AHNAK2: variants seen among roughly 807,000 people sequenced by gnomAD.
AHNAK2 encodes protein AHNAK2.
Under a neutral mutation model 30.7 loss-of-function variants are expected in AHNAK2, and 18 were observed. The ratio of observed to expected loss-of-function variants is 0.59; its 90% CI spans 0.41 to 0.87. The LOEUF (loss-of-function observed/expected upper bound fraction) is 0.87, where lower values mean the gene tolerates loss of function less well. Among genes scored for constraint, AHNAK2 ranks in the 40% least tolerant of loss-of-function variants. The pLI, the probability that AHNAK2 is intolerant of heterozygous loss-of-function variation, is 0.00. For synonymous variants in AHNAK2, 3,590 were observed against 3,073.8 expected, an observed-to-expected ratio of 1.17 and a Z score of -5.56; for missense variants, 8,604 against 7,373.0, an observed-to-expected ratio of 1.17 and a Z score of -6.11.
chr14:104,939,843 G>C lies in AHNAK2; in HGVS notation c.15608C>G (p.Ser5203Cys). The change falls in exon 7 of 7, where the codon TCT (serine) becomes TGT (cysteine). Residue 5203 changes from serine (S) to cysteine (C), a missense_variant. Ser to Cys is a moderately radical substitution (Grantham distance 112). Coordinates refer to ENST00000333244, the MANE Select transcript of AHNAK2 (RefSeq NM_138420.4). Reference sequence around the variant, plus strand: ...TCCAGCCCCGCCTCTGTCCCTGAAAGAGCGCCTAAGGCTGGGCATGCGGAA... The same window carrying C: ...TCCAGCCCCGCCTCTGTCCCTGAAACAGCGCCTAAGGCTGGGCATGCGGAA... Reference protein sequence around the residue: ...PKFRMPSLRRSFRDRGGAGKL... With the variant: ...PKFRMPSLRRCFRDRGGAGKL... 6.2e-7 allele frequency: 1 copy of C among 1,613,874 alleles called. No homozygotes were observed. Among genetic ancestry groups the C allele is most frequent in the East Asian group, 2.2e-5 (1 of 44,896 alleles).
chr14:104,948,534 A>G lies in AHNAK2; in HGVS notation c.6917T>C (p.Leu2306Pro), dbSNP rs547343473. Reference sequence around the variant, plus strand: ...TTTGGCAGTCACGTCCTTGTCGGCCAGGGACATGTCCCCCTCCAGCCGCGC... The same window carrying G: ...TTTGGCAGTCACGTCCTTGTCGGCCGGGGACATGTCCCCCTCCAGCCGCGC... ...DGARLEGDMS[L>P]ADKDVTAKDS... The change falls in exon 7 of 7, where the codon CTG (leucine) becomes CCG (proline). Residue 2306 changes from leucine to proline, a missense_variant. Physicochemically the swap from Leu to Pro is moderately conservative, Grantham distance 98. Coordinates refer to ENST00000333244, the MANE Select transcript of AHNAK2 (RefSeq NM_138420.4). The G allele has an allele frequency of 6.2e-7, 1 of 1,612,088 alleles. No homozygotes were observed. Among genetic ancestry groups the G allele is most frequent in the African/African-American group, 1.4e-5 (1 of 73,884 alleles).
In AHNAK2 at chr14:104,942,161, C is replaced by G; in HGVS notation, c.13290G>C (p.Glu4430Asp). The G allele has an allele frequency of 6.2e-7, 1 of 1,613,350 alleles. No individual in the cohort carries two copies. Among genetic ancestry groups the G allele is most frequent in the Non-Finnish European group, 8.5e-7 (1 of 1,179,778 alleles). ...PNLDVSLPSM[E>D]VDIQAPGAKL... ...TGGCTCCTGGGGCTTGGATGTCCAC[C>G]TCCATGCTGGGCAGAGACACGTCCA... Residue 4430 changes from glutamate to aspartate, a missense_variant, in exon 7 of 7, where the codon GAG becomes GAC. Physicochemically the swap from Glu to Asp is conservative, Grantham distance 45. Coordinates refer to ENST00000333244, the MANE Select transcript of AHNAK2 (RefSeq NM_138420.4).
chr14:104,954,529 G>A lies in AHNAK2; in HGVS notation c.922C>T (p.Arg308Cys), dbSNP rs779111209. ...TDTEAQLTVERQEQKAGPGSQ... is the reference protein window; with the variant it reads ...TDTEAQLTVECQEQKAGPGSQ... ...CCCGGCCCTGCCTTCTGCTCTTGGC[G>A]CTCCACCGTGAGCTGGGCCTCTGTG... Residue 308 changes from arginine to cysteine, a missense_variant, in exon 7 of 7, where the codon CGC (arginine) becomes TGC (cysteine). Physicochemically the swap from Arg to Cys is radical, Grantham distance 180 (BLOSUM62 -3). Transcript: ENST00000333244. The surrounding 1 kb of genome is among the most constrained non-coding windows in gnomAD (Gnocchi z 4.3). The A allele has an allele frequency of 1.6e-5, 25 of 1,610,324 alleles. No individual in the cohort carries two copies. Among genetic ancestry groups the A allele is most frequent in the South Asian group, 3.3e-5 (3 of 90,704 alleles).
In AHNAK2 at chr14:104,941,511, A is replaced by C. The variant is rs202055538; in HGVS notation, c.13940T>G (p.Met4647Arg). ...GFEWSSKKVS[M>R]SSSEIEGNVT... Reference sequence around the variant, plus strand: ...ATTTCCTTCGATTTCAGAGGAAGACATGGAAACTTTCTTTGACGACCATTC... The same window carrying C: ...ATTTCCTTCGATTTCAGAGGAAGACCTGGAAACTTTCTTTGACGACCATTC... Residue 4647 changes from methionine to arginine, a missense_variant, in exon 7 of 7, where the codon ATG becomes AGG. Physicochemically the swap from Met to Arg is moderately conservative, Grantham distance 91. Transcript: ENST00000333244. The C allele has an allele frequency of 1.1e-4, 184 of 1,613,060 alleles. 1 individual carries two copies. The Middle Eastern group carries it at 3.6e-3, about 32-fold the overall frequency.
intron 1 of AHNAK2, among the ~76,000 whole-genome samples, chr14:104,970,720 A>T (rs9805957): frequency 1.3e-5 from 2 of 151,718 alleles, no homozygotes; most frequent in African/African-American, 2.4e-5. Context: ...CTGAGTGCCC[A>T]CCCCCAGCCT....
At chr14:104,973,958 A>G (rs1899537227) in intron 1 of AHNAK2, among the ~76,000 whole-genome samples, 1 of 151,910 alleles carries the variant, frequency 6.6e-6, no homozygotes, top group Admixed American at 6.6e-5. Flanking sequence ...ATGGGGGAGT[A>G]CCGCCTCCCG....
At position 104,943,580 on chromosome 14, in the gene AHNAK2, G is replaced by A. The variant is rs375246824; in HGVS notation, c.11871C>T (p.Ala3957=). The change falls in exon 7 of 7, where the codon GCC becomes GCT. Residue 3957 remains alanine (A), a synonymous_variant. Transcript: ENST00000333244. The part of the protein sequence containing the change: ...GARLEGDLSL[A]DKDMTAKDSK... Reference sequence around the variant, plus strand: ...TGTCTTTGGCCGTCATGTCCTTGTCGGCCAGGGACAGGTCCCCCTCCAGCC... The same window carrying A: ...TGTCTTTGGCCGTCATGTCCTTGTCAGCCAGGGACAGGTCCCCCTCCAGCC... 541 of 1,612,848 alleles carry A rather than the reference G, an allele frequency of 3.4e-4. No individual in the cohort carries two copies. Among genetic ancestry groups the A allele is most frequent in the Non-Finnish European group, 2.2e-4 (261 of 1,179,520 alleles).
In AHNAK2 at chr14:104,941,719, G is replaced by A. The variant is rs750172587; in HGVS notation, c.13732C>T (p.Pro4578Ser). Reference protein sequence around the residue: ...VKGPKLDLKGPKAEVMAPDVE... With the variant: ...VKGPKLDLKGSKAEVMAPDVE... ...TCGGGGGCCATCACCTCTGCCTTTG[G>A]GCCTTTCAGGTCCAGCTTGGGGCCC... Residue 4578 changes from proline (P) to serine (S), a missense_variant, in exon 7 of 7, where the codon CCA (proline) becomes TCA (serine). Pro to Ser is a moderately conservative substitution (Grantham distance 74, BLOSUM62 -1). Coordinates refer to ENST00000333244, the MANE Select transcript of AHNAK2 (RefSeq NM_138420.4). 6 of 1,613,750 alleles carry A rather than the reference G, an allele frequency of 3.7e-6. No individual in the cohort carries two copies. The highest frequency in any genetic ancestry group is 1.3e-5 in the African/African-American group (1 of 74,996).
intron 1 of AHNAK2, among the ~76,000 whole-genome samples, chr14:104,977,387 C>T (rs1899621695): frequency 6.6e-6 from 1 of 152,190 alleles, no homozygotes; most frequent in African/African-American, 2.4e-5. Context: ...GGGACAGACA[C>T]ACAAAGAGCA....
chr14:104,949,660 C>G lies in AHNAK2; in HGVS notation c.5791G>C (p.Ala1931Pro), dbSNP rs200253581. Residue 1931 changes from alanine to proline, a missense_variant, in exon 7 of 7, where the codon GCC (alanine) becomes CCC (proline). Transcript: ENST00000333244. ...LKGPQTDVKG[A>P]KLDLKGPKAE... is the part of the protein sequence containing the mutation. ...TTGGGGCCTTTCAGGTCCAGCTTGG[C>G]GCCCTTAACATCTGTCTGGGGGCCC... 6.3e-4 allele frequency: 1,000 copies of G among 1,582,062 alleles called. 95 individuals carry two copies. The African/African-American group carries it at 9.6e-3, about 15-fold the overall frequency.
At chr14:104,976,940 C>T (rs564187550) in intron 1 of AHNAK2, among the ~76,000 whole-genome samples, 2 of 152,332 alleles carry the variant, frequency 1.3e-5, no homozygotes, top group East Asian at 1.9e-4. Context: ...TCCAGCCCAC[C>T]GGAGCCATCA....
In AHNAK2 at chr14:104,953,593, T is replaced by C. The variant is rs1898872007; in HGVS notation, c.1858A>G (p.Thr620Ala). Residue 620 changes from threonine (T) to alanine (A), a missense_variant, in exon 7 of 7, where the codon ACA becomes GCA. Coordinates refer to ENST00000333244, the MANE Select transcript of AHNAK2 (RefSeq NM_138420.4). ...EQGREGEATA[T>A]ADRREQRRTE... ...CGTCTCTGTTCTCTTCTATCAGCTG[T>C]TGCTGTGGCCTCTCCTTCCCTTCCC... 6.2e-7 allele frequency: 1 copy of C among 1,613,670 alleles called. No individual in the cohort carries two copies. The highest frequency in any genetic ancestry group is 8.5e-7 in the Non-Finnish European group (1 of 1,179,784).
chr14:104,941,565 T>G lies in AHNAK2; in HGVS notation c.13886A>C (p.Gln4629Pro). ...EDVAGKDSKF[Q>P]GPKLSTSGFE... ...ACCAGACGTGCTCAGTTTTGGTCCT[T>G]GAAACTTACTGTCTTTCCCAGCTAC... The change falls in exon 7 of 7, where the codon CAA becomes CCA. Residue 4629 changes from glutamine to proline, a missense_variant. Coordinates refer to ENST00000333244, the MANE Select transcript of AHNAK2 (RefSeq NM_138420.4). 1.2e-6 allele frequency: 2 copies of G among 1,613,164 alleles called. No homozygotes were observed. The highest frequency in any genetic ancestry group is 1.7e-6 in the Non-Finnish European group (2 of 1,179,874).
rs1898938952 is a variant in AHNAK2 at position 104,955,303 on chromosome 14, G to A, written c.467-162C>T. 3 of 1,275,384 alleles carry A rather than the reference G, an allele frequency of 2.4e-6. No individual in the cohort carries two copies. The South Asian group carries it at 4.5e-5, about 19-fold the overall frequency. 79.0% of individuals were successfully genotyped at this position (1,275,384 alleles called of 1,614,324 possible). A position where few individuals can be genotyped will look rare whatever the true frequency, so the allele number is the denominator to read the frequency against. On this transcript the variant is annotated intron_variant, in intron 5 of 6. Coordinates refer to ENST00000333244, the MANE Select transcript of AHNAK2 (RefSeq NM_138420.4). The stretch of plus-strand genomic sequence containing the variant: ...TGAGTGCCTCAGGCACAGGCAAGGT[G>A]GATGGGGTCCCCCATTTTACTAGAT...
In AHNAK2 at chr14:104,949,935, C is replaced by T. The variant is rs527306736; in HGVS notation, c.5516G>A (p.Gly1839Asp). 3,260 of 1,589,200 alleles carry T rather than the reference C, an allele frequency of 2.1e-3. 185 individuals carry two copies. The African/African-American group carries it at 0.04, about 19-fold the overall frequency. Residue 1839 changes from glycine to aspartate, a missense_variant, in exon 7 of 7, where the codon GGC becomes GAC. Gly to Asp is a moderately conservative substitution (Grantham distance 94). Coordinates refer to ENST00000333244, the MANE Select transcript of AHNAK2 (RefSeq NM_138420.4). The stretch of plus-strand genomic sequence containing the variant: ...ATCCACCGAGGCCTCGATGGACTTG[C>T]CTGGGGCAGACACCCCGAACGACGG... ...KMPSFGVSAP[G>D]KSIEASVDVS... is the part of the protein sequence containing the mutation.
At chr14:104,969,302 C>T (rs1201998252) in intron 1 of AHNAK2, among the ~76,000 whole-genome samples, 1 of 152,204 alleles carries the variant, frequency 6.6e-6, no homozygotes, top group Non-Finnish European at 1.5e-5. Flanking sequence ...TTTCGTAGCT[C>T]CCTGGTGCCA....
Position 104,939,499 on chromosome 14 carries a change from T to C in AHNAK2, c.15952A>G (p.Thr5318Ala). ...TCTATTTCTCCTGGAAGAACCTGGG[T>C]TTCTGGAAGCCTCATGCCAGGCATC... ...FQMPGMRLPE[T>A]QVLPGEIDET... Residue 5318 changes from threonine to alanine, a missense_variant, in exon 7 of 7, where the codon ACC becomes GCC. Coordinates refer to ENST00000333244, the MANE Select transcript of AHNAK2 (RefSeq NM_138420.4). 6.2e-7 allele frequency: 1 copy of C among 1,613,498 alleles called. No homozygotes were observed.
chr14:104,945,383 G>C lies in AHNAK2; in HGVS notation c.10068C>G (p.Leu3356=), dbSNP rs1898206073. ...SMQGDLKTTD[L]SIQLPSVDLE... is the part of the protein sequence containing the mutation. ...GGTCCACAGAAGGGAGCTGAATGCT[G>C]AGGTCAGTGGTCTTGAGGTCCCCCT... The change falls in exon 7 of 7, where the codon CTC becomes CTG. Residue 3356 remains leucine (L), a synonymous_variant. Transcript: ENST00000333244. The C allele has an allele frequency of 6.2e-7, 1 of 1,612,744 alleles. No homozygotes were observed. The highest frequency in any genetic ancestry group is 1.1e-5 in the South Asian group (1 of 91,036).
Position 104,948,687 on chromosome 14 carries a change from T to C in AHNAK2, c.6764A>G (p.Glu2255Gly). The C allele has an allele frequency of 6.2e-7, 1 of 1,609,590 alleles. No homozygotes were observed. The change falls in exon 7 of 7, where the codon GAA (glutamate) becomes GGA (glycine). Residue 2255 changes from glutamate to glycine, a missense_variant. Physicochemically the swap from Glu to Gly is moderately conservative, Grantham distance 98 (BLOSUM62 -2). Coordinates refer to ENST00000333244, the MANE Select transcript of AHNAK2 (RefSeq NM_138420.4). ...CAGCTTGGGGCCCTTGATGTCTATT[T>C]CGGGGCCCTTGAGGTCCACTTTGGG... ...KVPKVDLKGP[E>G]IDIKGPKLDL...
Sources: gnomAD v4.1 joint callset for allele counts (sites outside exome capture counted in the v4.1 genomes callset) on GRCh38, gnomAD v4.1.1 for gene constraint, Gnocchi (gnomAD v3.1) non-coding constraint, MANE v1.5 for transcripts, NCBI Gene and HGNC (gene_info 2026-07-23, HGNC 2026-07-21) for gene names.